The following NLGN1 variants were observed in gnomAD, a reference collection of about 807,000 sequenced individuals.
The protein encoded by NLGN1 is neuroligin-1.
A neutral mutation model predicts 65.5 loss-of-function variants in NLGN1; 12 were observed. That is an observed-to-expected ratio of 0.18 (90% CI 0.12 to 0.30). NLGN1 has a LOEUF of 0.30. Among genes scored for constraint, NLGN1 ranks in the 10% least tolerant of loss-of-function variants. The pLI is 1.00. For synonymous variants in NLGN1, 350 were observed against 359.5 expected, an observed-to-expected ratio of 0.97 and a Z score of 0.30; for missense variants, 750 against 1,007.1, an observed-to-expected ratio of 0.74 and a Z score of 3.46.
chr3:174,139,590 C>T (rs1029805629), intron 4 of NLGN1, among the ~76,000 whole-genome samples: 24 of 152,076 alleles, frequency 1.6e-4, no homozygotes, highest in African/African-American at 5.5e-4. Context: ...TGCAGGTTTT[C>T]GTGTGGACCT....
intron 1 of NLGN1, among the ~76,000 whole-genome samples, chr3:173,402,651 A>T (rs1287612986): frequency 6.6e-6 from 1 of 152,168 alleles, no homozygotes; most frequent in Non-Finnish European, 1.5e-5. Flanking sequence ...TATGATTATC[A>T]CAGAGCCAAA....
At chr3:173,513,491 A>G (rs1373829105) in intron 2 of NLGN1, among the ~76,000 whole-genome samples, 1 of 152,046 alleles carries the variant, frequency 6.6e-6, no homozygotes, top group African/African-American at 2.4e-5. Flanking sequence ...TTTCTCACCA[A>G]TTTTTGAAGC....
intron 4 of NLGN1, among the ~76,000 whole-genome samples, chr3:173,834,751 A>T (rs952437473): frequency 6.6e-6 from 1 of 152,210 alleles, no homozygotes; most frequent in Non-Finnish European, 1.5e-5. Flanking sequence ...GGAGGAGATT[A>T]TCAAACTCAA....
At chr3:174,149,846 ATAAC>A (rs1428689459) in intron 4 of NLGN1, among the ~76,000 whole-genome samples, 2 of 152,114 alleles carry the variant, frequency 1.3e-5, no homozygotes, top group Admixed American at 1.3e-4. Flanking sequence ...GAGCTTTTGA[ATAAC>A]TAGGTGAAAA....
chr3:174,252,866 G>A (rs1577600979), intron 4 of NLGN1, among the ~76,000 whole-genome samples: 1 of 152,234 alleles, frequency 6.6e-6, no homozygotes, highest in South Asian at 2.1e-4. Flanking sequence ...TTGCAGGAAG[G>A]TGCAAAAGAG....
chr3:174,202,368 A>G (rs1376257862), intron 4 of NLGN1, among the ~76,000 whole-genome samples: 1 of 152,108 alleles, frequency 6.6e-6, no homozygotes, highest in Non-Finnish European at 1.5e-5. Context: ...TATTTGGCAC[A>G]CAATGGCCTT....
chr3:173,919,891 CTT>C (rs897988565), intron 4 of NLGN1, among the ~76,000 whole-genome samples: 29 of 151,874 alleles, frequency 1.9e-4, no homozygotes, highest in Non-Finnish European at 3.4e-4. Context: ...TTTTATAAAT[CTT>C]AACATATATG....
chr3:173,485,149 A>G (rs1002780301), intron 2 of NLGN1, among the ~76,000 whole-genome samples: 1 of 151,354 alleles, frequency 6.6e-6, no homozygotes, highest in Non-Finnish European at 1.5e-5. Context: ...AGCTTGTGCA[A>G]AAACTACCAT....
At chr3:173,694,122 A>G (rs1765857615) in intron 3 of NLGN1, among the ~76,000 whole-genome samples, 2 of 152,100 alleles carry the variant, frequency 1.3e-5, no homozygotes. Flanking sequence ...TCTGTTAGTG[A>G]TTTTGTATGA....
chr3:174,153,285 A>T (rs1724749721), intron 4 of NLGN1, among the ~76,000 whole-genome samples: 1 of 152,172 alleles, frequency 6.6e-6, no homozygotes, highest in Non-Finnish European at 1.5e-5. Flanking sequence ...GCTCAGTATG[A>T]TGATTATACT....
At chr3:173,405,364 T>G (rs1259240437) in intron 1 of NLGN1, among the ~76,000 whole-genome samples, 1 of 151,958 alleles carries the variant, frequency 6.6e-6, no homozygotes, top group African/African-American at 2.4e-5. Flanking sequence ...CTAAGAAGAA[T>G]AAGAAGAATA....
At chr3:173,874,694 A>T (rs964550651) in intron 4 of NLGN1, among the ~76,000 whole-genome samples, 9 of 152,234 alleles carry the variant, frequency 5.9e-5, no homozygotes, top group African/African-American at 1.7e-4. Flanking sequence ...GACTAAAGTT[A>T]AGAATCCTTG....
rs1021272005 is a variant in NLGN1 at position 174,098,998 on chromosome 3, A to G, written c.647-176317A>G. ...CCAATGAAAATGCCACAAAATTAAGATATCAACTAAGTTGGGCTCCCTGCT... is the reference window on the plus strand; with the variant it reads ...CCAATGAAAATGCCACAAAATTAAGGTATCAACTAAGTTGGGCTCCCTGCT... On this transcript the variant is annotated intron_variant, in intron 4 of 6. Coordinates refer to ENST00000457714, the Ensembl canonical transcript of NLGN1. 9.9e-5 allele frequency among the ~76,000 whole-genome samples: 15 copies of G among 152,200 alleles called. No homozygotes were observed. In the East Asian group the frequency reaches 2.5e-3, roughly 25 times the overall value.
intron 2 of NLGN1, among the ~76,000 whole-genome samples, chr3:173,579,623 T>C (rs1410895324): frequency 6.6e-6 from 1 of 152,234 alleles, no homozygotes; most frequent in African/African-American, 2.4e-5. Flanking sequence ...GTATCTGAAA[T>C]ATAGTCAGTA....
chr3:174,011,936 T>C (rs1396601344), intron 4 of NLGN1, among the ~76,000 whole-genome samples: 1 of 152,124 alleles, frequency 6.6e-6, no homozygotes, highest in Non-Finnish European at 1.5e-5. Flanking sequence ...TTCCCAGATA[T>C]TTTCAGCCTA....
At chr3:173,701,253 G>T (rs1355053287) in intron 3 of NLGN1, among the ~76,000 whole-genome samples, 6 of 152,186 alleles carry the variant, frequency 3.9e-5, no homozygotes, top group Non-Finnish European at 7.3e-5. Context: ...AGCCTGCATT[G>T]CAAAAGGAAC....
At chr3:174,070,478 C>G (rs1433378737) in intron 4 of NLGN1, among the ~76,000 whole-genome samples, 1 of 151,628 alleles carries the variant, frequency 6.6e-6, no homozygotes, top group Non-Finnish European at 1.5e-5. Context: ...ATTACAGGTG[C>G]CAGCCACCGC....
In NLGN1 at chr3:173,596,706, T is replaced by C. The variant is rs143425385; in HGVS notation, c.-320-7573T>C. ...TCTCAATAGCCTTATGTTAATATGG[T>C]CATGACATGGGTCCTAGCATCCCTT... On this transcript the variant is annotated intron_variant, in intron 2 of 6. Transcript: ENST00000457714. Among the ~76,000 whole-genome samples the C allele has an allele frequency of 3.4e-3, 520 of 152,322 alleles. 1 individual carries two copies. Among genetic ancestry groups the C allele is most frequent in the African/African-American group, 0.012 (502 of 41,562 alleles).
chr3:173,657,078 A>T (rs1008492102), intron 3 of NLGN1, among the ~76,000 whole-genome samples: 1 of 152,090 alleles, frequency 6.6e-6, no homozygotes, highest in African/African-American at 2.4e-5. Flanking sequence ...CAAGAAAAAC[A>T]TGTAGTTTTT....
Sources: allele counts gnomAD v4.1 joint callset (sites outside exome capture counted in the v4.1 genomes callset), GRCh38; gene constraint gnomAD v4.1.1; transcripts MANE v1.5; gene names NCBI Gene and HGNC (gene_info 2026-07-23, HGNC 2026-07-21).